KLF17: variants seen among roughly 807,000 people sequenced by gnomAD.
KLF17 encodes KLF transcription factor 17, also known as Krueppel-like factor 17.
Under a neutral mutation model 34.2 loss-of-function variants are expected in KLF17, and 31 were observed. The observed-to-expected ratio is 0.91, with a 90% CI of 0.68 to 1.22. KLF17 has a LOEUF of 1.22. Among genes scored for constraint, KLF17 ranks in the 50% most tolerant of loss-of-function variants. The pLI is 0.00. For synonymous variants in KLF17, 179 were observed against 186.7 expected, an observed-to-expected ratio of 0.96 and a Z score of 0.34; for missense variants, 478 against 505.2, an observed-to-expected ratio of 0.95 and a Z score of 0.52.
the KLF17 span, among the ~76,000 whole-genome samples, chr1:44,098,178 T>A: frequency 6.6e-6 from 1 of 152,204 alleles, no homozygotes. Context: ...GATTTCTTCA[T>A]GGTTCAATCT....
chr1:44,106,777 C>G, the KLF17 span: 1 of 152,156 alleles, frequency 6.6e-6, no homozygotes, highest in Non-Finnish European at 1.5e-5. Flanking sequence ...GACTGGGAGA[C>G]AGAGGCAAAT....
the KLF17 span, among the ~76,000 whole-genome samples, chr1:44,100,716 C>T: frequency 1.8e-3 from 279 of 151,964 alleles, no homozygotes; most frequent in African/African-American, 6.3e-3. Flanking sequence ...AGTGCAGTGG[C>T]GCAATCTCCA....
intron 2 of KLF17, 77 bp from the exon 3 acceptor site, chr1:44,130,435 G>C: frequency 6.4e-7 from 1 of 1,573,578 alleles, no homozygotes; most frequent in Non-Finnish European, 8.7e-7. Context: ...CCTCAACCTG[G>C]ACTGCTCTGC....
chr1:44,064,774 C>T, the KLF17 span, among the ~76,000 whole-genome samples: 1 of 152,178 alleles, frequency 6.6e-6, no homozygotes, highest in African/African-American at 2.4e-5. Flanking sequence ...GCTTTATATG[C>T]CAAAATTCTA....
At chr1:44,130,323 G>GT in intron 2 of KLF17, 127 bp downstream of exon 2, 2 of 1,420,812 alleles carry the variant, frequency 1.4e-6, no homozygotes, top group Non-Finnish European at 1.9e-6. Flanking sequence ...AGCTAGACTG[G>GT]CCCCCCGACT....
chr1:44,098,487 TAA>T, the KLF17 span, among the ~76,000 whole-genome samples: 25 of 140,106 alleles, frequency 1.8e-4, no homozygotes, highest in East Asian at 7.9e-4. Context: ...TTATTTTTTT[TAA>T]AAAAGATTAT....
chr1:44,055,907 T>C, the KLF17 span, among the ~76,000 whole-genome samples: 1 of 152,200 alleles, frequency 6.6e-6, no homozygotes, highest in Admixed American at 6.5e-5. Context: ...GTTAATGAGA[T>C]AGTAGTCCCA....
chr1:44,075,038 T>A, the KLF17 span: 1 of 151,910 alleles, frequency 6.6e-6, no homozygotes, highest in African/African-American at 2.4e-5. Flanking sequence ...ATGCCTGTAA[T>A]CCCAGTGCTT....
At chr1:44,046,938 G>A in the KLF17 span, among the ~76,000 whole-genome samples, 5 of 149,478 alleles carry the variant, frequency 3.3e-5, 1 homozygote, top group South Asian at 6.3e-4. Flanking sequence ...CAGGAGAATC[G>A]CTTGAACCAG....
At chr1:44,064,143 G>T in the KLF17 span, among the ~76,000 whole-genome samples, 1 of 152,094 alleles carries the variant, frequency 6.6e-6, no homozygotes, top group Non-Finnish European at 1.5e-5. Context: ...GAAGTTAGCT[G>T]GGAAACAAGG....
the KLF17 span, among the ~76,000 whole-genome samples, chr1:44,052,925 C>G: frequency 2.1e-5 from 3 of 145,014 alleles, no homozygotes; most frequent in East Asian, 2.0e-4. Context: ...TTTTTTGAGA[C>G]AGTCTTACTC....
At chr1:44,112,164 A>G in the KLF17 span, among the ~76,000 whole-genome samples, 1 of 152,316 alleles carries the variant, frequency 6.6e-6, no homozygotes, top group African/African-American at 2.4e-5. Context: ...GGTTGTTTCC[A>G]AATTTCTTTT....
the KLF17 span, among the ~76,000 whole-genome samples, chr1:44,098,340 GT>G: frequency 6.6e-6 from 1 of 151,464 alleles, no homozygotes; most frequent in South Asian, 2.1e-4. Context: ...ATTTATTTGG[GT>G]CACTCTCTTT....
chr1:44,076,291 C>T, the KLF17 span: 1 of 152,260 alleles, frequency 6.6e-6, no homozygotes, highest in African/African-American at 2.4e-5. Context: ...CCTTGCAACC[C>T]TTCCCACTTG....
chr1:44,073,517 T>G, the KLF17 span, among the ~76,000 whole-genome samples: 4 of 152,114 alleles, frequency 2.6e-5, no homozygotes, highest in African/African-American at 9.7e-5. Context: ...ATGACAGTAT[T>G]TTTTTTCAAG....
chr1:44,077,225 A>T, the KLF17 span, among the ~76,000 whole-genome samples: 10 of 151,996 alleles, frequency 6.6e-5, 1 homozygote, highest in South Asian at 2.1e-3. Context: ...TGCGCCTGTA[A>T]TCCCAGCTAT....
chr1:44,088,483 T>C, the KLF17 span: 1 of 152,248 alleles, frequency 6.6e-6, no homozygotes, highest in Non-Finnish European at 1.5e-5. Context: ...GGATCAGAAA[T>C]GGAAACAGAA....
Position 44,130,712 on chromosome 1 carries a change from A to C in KLF17, c.1126A>C (p.Asn376His). 1 of 1,614,122 alleles carries C rather than the reference A, an allele frequency of 6.2e-7. No homozygotes were observed. The change falls in exon 3 of 4, where the codon AAC (asparagine) becomes CAC (histidine). Residue 376 changes from asparagine to histidine, a missense_variant. Coordinates refer to ENST00000372299, the MANE Select transcript of KLF17 (RefSeq NM_173484.4). Reference sequence around the variant, plus strand: ...GGGACCCTCAGACCCACAGGCCAACAACAACAATGGAGAGCAGGACAGTCC... The same window carrying C: ...GGGACCCTCAGACCCACAGGCCAACCACAACAATGGAGAGCAGGACAGTCC... The part of the protein sequence containing the change: ...RPGPSDPQAN[N>H]NNGEQDSPPA...
At chr1:44,113,654 AC>A in the KLF17 span, among the ~76,000 whole-genome samples, 1 of 152,138 alleles carries the variant, frequency 6.6e-6, no homozygotes, top group Non-Finnish European at 1.5e-5. Context: ...TTAGAGGATG[AC>A]CTTTCCTGTG....
Sources: allele counts gnomAD v4.1 joint callset (sites outside exome capture counted in the v4.1 genomes callset), GRCh38; gene constraint gnomAD v4.1.1; transcripts MANE v1.5; gene names NCBI Gene and HGNC (gene_info 2026-07-23, HGNC 2026-07-21).